GLB1: variants seen among roughly 807,000 people sequenced by gnomAD.
GLB1 encodes galactosidase beta 1, also known as beta-galactosidase.
GLB1 carries 56 observed loss-of-function variants against 74.0 expected under a neutral mutation model. That is an observed-to-expected ratio of 0.76 (90% CI 0.61 to 0.94). The LOEUF (loss-of-function observed/expected upper bound fraction) is 0.94, where lower values mean the gene tolerates loss of function less well. GLB1 is among the 40% of genes least tolerant of loss of function. GLB1 has a pLI of 0.00. For missense variants in GLB1, 787 were observed against 845.5 expected, an observed-to-expected ratio of 0.93 and a Z score of 0.86; for synonymous variants, 323 against 323.6, an observed-to-expected ratio of 1.00 and a Z score of 0.02.
At chr3:33,045,486 A>G (rs1237884660) in intron 10 of GLB1, 1 of 988,400 alleles carries the variant, frequency 1.0e-6, no homozygotes, top group Non-Finnish European at 1.2e-6. Context: ...ATTGGGCCAC[A>G]CATAAAAAGG....
intron 6 of GLB1, among the ~76,000 whole-genome samples, chr3:33,056,490 C>T (rs763363776): frequency 1.3e-4 from 20 of 151,804 alleles, no homozygotes; most frequent in East Asian, 7.7e-4. Context: ...CACAGCTCAC[C>T]GCAGCCTTGA....
At chr3:33,058,834 C>T (rs1471024082) in intron 5 of GLB1, among the ~76,000 whole-genome samples, 1 of 139,948 alleles carries the variant, frequency 7.1e-6, no homozygotes, top group African/African-American at 2.4e-5. Context: ...ATCTCCATGG[C>T]AATAAGAAGA....
rs868695635 is a variant in GLB1 at position 33,015,579 on chromosome 3, G to A, written c.1479+1130C>T. ...ATAATTTGATAAATATTAACCAGGT[G>A]GCTGTATGTCAGGCTCTTTGACAGG... On this transcript the variant is annotated intron_variant, in intron 14 of 15. Transcript: ENST00000307363. Among the ~76,000 whole-genome samples, 29 of 152,284 alleles carry A rather than the reference G, an allele frequency of 1.9e-4. 1 individual carries two copies. The highest frequency in any genetic ancestry group is 2.6e-4 in the Admixed American group (4 of 15,308).
chr3:33,082,717 G>A (rs1178956563), intron 1 of GLB1, among the ~76,000 whole-genome samples: 1 of 152,204 alleles, frequency 6.6e-6, no homozygotes, highest in Non-Finnish European at 1.5e-5. Flanking sequence ...TGAGTGGGCA[G>A]GACAGCAGTA....
chr3:33,043,079 T>C (rs891361556), intron 10 of GLB1, among the ~76,000 whole-genome samples: 1 of 152,014 alleles, frequency 6.6e-6, no homozygotes, highest in South Asian at 2.1e-4. Context: ...AATAATAACA[T>C]ACAAATCAAG....
At chr3:33,090,684 C>T (rs762998855) in intron 1 of GLB1, 2 of 985,412 alleles carry the variant, frequency 2.0e-6, no homozygotes, top group East Asian at 2.3e-4. Context: ...GACCTGCCCA[C>T]CAGGGCCAGA....
At chr3:33,021,883 C>T (rs1430034231) in intron 11 of GLB1, among the ~76,000 whole-genome samples, 1 of 152,146 alleles carries the variant, frequency 6.6e-6, no homozygotes, top group African/African-American at 2.4e-5. Flanking sequence ...AAAAAGGTTT[C>T]AAACATACCT....
the GLB1 span, among the ~76,000 whole-genome samples, chr3:32,969,319 G>T: frequency 6.6e-6 from 1 of 152,112 alleles, no homozygotes; most frequent in Admixed American, 6.5e-5. Flanking sequence ...ATATGCTTCT[G>T]CCACTTTGCA....
At chr3:33,078,277 TCTG>T (rs1367926221) in intron 1 of GLB1, among the ~76,000 whole-genome samples, 18 of 152,124 alleles carry the variant, frequency 1.2e-4, no homozygotes, top group Non-Finnish European at 2.5e-4. Flanking sequence ...AATAAAAGCA[TCTG>T]AAAACACCTT....
chr3:33,086,019 A>G (rs1031602722), intron 1 of GLB1, among the ~76,000 whole-genome samples: 2 of 152,062 alleles, frequency 1.3e-5, no homozygotes, highest in African/African-American at 4.8e-5. Flanking sequence ...TTGAGAGTGC[A>G]GTGAGTTACA....
At chr3:33,096,295 G>A (rs1701023350) in intron 1 of GLB1, 1 of 749,406 alleles carries the variant, frequency 1.3e-6, no homozygotes, top group East Asian at 1.3e-4. Context: ...AGCGAGTGAA[G>A]CTGTCCTTCC....
the GLB1 span, among the ~76,000 whole-genome samples, chr3:32,979,101 C>G: frequency 6.6e-6 from 1 of 151,936 alleles, no homozygotes; most frequent in East Asian, 1.9e-4. Context: ...CTCAGCCTCC[C>G]GAGTAGCTGG....
At position 33,042,370 on chromosome 3, in the gene GLB1, C is replaced by CTTTTTTTTTT. The variant is rs66685286; in HGVS notation, c.1068+3740_1068+3749dup. On this transcript the variant is annotated intron_variant, in intron 10 of 15. Coordinates refer to ENST00000307363, the MANE Select transcript of GLB1 (RefSeq NM_000404.4). ...TATATCCCTGACCCCTCATCTCCTC[C>CTTTTTTTTTT]TTTTTTTTTTTTTTTTTTTCCAAGT... Among the ~76,000 whole-genome samples, 21 of 99,234 alleles carry CTTTTTTTTTT rather than the reference C, an allele frequency of 2.1e-4. 3 individuals are homozygous for CTTTTTTTTTT. Among genetic ancestry groups the CTTTTTTTTTT allele is most frequent in the South Asian group, 6.9e-4 (2 of 2,890 alleles). 65.1% of individuals were successfully genotyped at this position (99,234 alleles called of 152,430 possible).
At chr3:33,083,779 A>G (rs1424497979) in intron 1 of GLB1, among the ~76,000 whole-genome samples, 1 of 142,748 alleles carries the variant, frequency 7.0e-6, no homozygotes. Flanking sequence ...ATACTGGCCA[A>G]TGTAATTTTT....
chr3:32,998,378 C>T (rs867074627), intron 15 of GLB1, among the ~76,000 whole-genome samples: 1 of 152,116 alleles, frequency 6.6e-6, no homozygotes, highest in African/African-American at 2.4e-5. Flanking sequence ...TGTGGTGGCA[C>T]ATGCCTGTAA....
intron 5 of GLB1, among the ~76,000 whole-genome samples, chr3:33,059,215 A>G (rs1263161449): frequency 6.6e-6 from 1 of 151,148 alleles, no homozygotes; most frequent in Non-Finnish European, 1.5e-5. Context: ...TTGGGGATAA[A>G]AAAAATTATT....
intron 11 of GLB1, 90 bp from the exon 12 acceptor site, chr3:33,021,745 T>C (rs1166921066): frequency 6.8e-7 from 1 of 1,463,042 alleles, no homozygotes. Context: ...AAGACATCAG[T>C]GGGTTTGACC....
At chr3:33,057,965 T>G in intron 6 of GLB1, 124 bp downstream of exon 6, 1 of 1,330,404 alleles carries the variant, frequency 7.5e-7, no homozygotes, top group Admixed American at 2.0e-5. Flanking sequence ...TACCTGTTCC[T>G]TGAAAAATGA....
At chr3:33,085,900 T>C (rs1420177001) in intron 1 of GLB1, among the ~76,000 whole-genome samples, 3 of 143,800 alleles carry the variant, frequency 2.1e-5, no homozygotes, top group Non-Finnish European at 4.5e-5. Context: ...AGAGAGACTC[T>C]GTCTCTACCA....
Sources: gnomAD v4.1 joint callset for allele counts (sites outside exome capture counted in the v4.1 genomes callset) on GRCh38, gnomAD v4.1.1 for gene constraint, MANE v1.5 for transcripts, NCBI Gene and HGNC (gene_info 2026-07-23, HGNC 2026-07-21) for gene names.